AXDND1: variants seen among roughly 807,000 people sequenced by gnomAD.
The protein encoded by AXDND1 is axonemal dynein light chain domain-containing protein 1.
In AXDND1, 110 loss-of-function variants were observed where a neutral mutation model predicts 137.5. That is an observed-to-expected ratio of 0.80 (90% confidence interval 0.69 to 0.94). The LOEUF is 0.94. Among genes scored for constraint, AXDND1 ranks in the 40% least tolerant of loss-of-function variants. AXDND1 has a pLI of 0.00. For missense variants in AXDND1, 1,191 were observed against 1,169.8 expected, an observed-to-expected ratio of 1.02 and a Z score of -0.26; for synonymous variants, 414 against 399.7, an observed-to-expected ratio of 1.04 and a Z score of -0.43.
chr1:179,386,035 T>G (rs1649147191), intron 9 of AXDND1, among the ~76,000 whole-genome samples: 1 of 150,256 alleles, frequency 6.7e-6, no homozygotes, highest in African/African-American at 2.5e-5. Context: ...CTGGAGCTGA[T>G]TTTAGGATTT....
chr1:179,521,139 C>T lies in AXDND1; in HGVS notation c.2497-4195C>T, dbSNP rs925969028. Among the ~76,000 whole-genome samples the T allele has an allele frequency of 5.9e-5, 9 of 151,628 alleles. No homozygotes were observed. The East Asian group carries it at 9.7e-4, about 16-fold the overall frequency. Reference sequence around the variant, plus strand: ...ACCATGCCTGGCTAATTTTTAATTTCGCAGAGACAGGGTCTTGCTATGTTG... The same window carrying T: ...ACCATGCCTGGCTAATTTTTAATTTTGCAGAGACAGGGTCTTGCTATGTTG... On this transcript the variant is annotated intron_variant, in intron 21 of 25. Transcript: ENST00000367618.
chr1:179,367,152 G>A lies in AXDND1; in HGVS notation c.97+546G>A, dbSNP rs1167188036. 4.0e-5 allele frequency among the ~76,000 whole-genome samples: 6 copies of A among 151,752 alleles called. No homozygotes were observed. In the East Asian group the frequency reaches 1.2e-3, roughly 29 times the overall value. ...CAAGAGAATCGCTTGAACCCAGGAG[G>A]TGAGGTTGCAGTGAGCCAGGATCGA... is the stretch of plus-strand genomic sequence containing the variant. On this transcript the variant is annotated intron_variant, in intron 2 of 25. Transcript: ENST00000367618.
chr1:179,525,275 A>G, intron 21 of AXDND1, 59 bp from the exon 22 acceptor site: 1 of 1,492,472 alleles, frequency 6.7e-7, no homozygotes, highest in Non-Finnish European at 9.0e-7. Context: ...AATATTTTGA[A>G]CAAATAATTG....
chr1:179,522,253 G>A (rs936430423), intron 21 of AXDND1, among the ~76,000 whole-genome samples: 3 of 152,106 alleles, frequency 2.0e-5, no homozygotes, highest in African/African-American at 7.2e-5. Flanking sequence ...CCCTCCAATT[G>A]AATTTCATCT....
Position 179,509,363 on chromosome 1 carries a change from C to T in AXDND1, c.2456C>T (p.Thr819Ile). Residue 819 changes from threonine (T) to isoleucine (I), a missense_variant, in exon 21 of 26, where the codon ACA becomes ATA. Transcript: ENST00000367618. Reference sequence around the variant, plus strand: ...TCTAATATCAAAGGCAGAAAAATTACATTATTGACATATGAAGAAATAGAG... The same window carrying T: ...TCTAATATCAAAGGCAGAAAAATTATATTATTGACATATGAAGAAATAGAG... ...LLSNIKGRKITLLTYEEIERL... is the reference protein window; with the variant it reads ...LLSNIKGRKIILLTYEEIERL... The T allele has an allele frequency of 1.2e-6, 2 of 1,612,100 alleles. No individual in the cohort carries two copies. The highest frequency in any genetic ancestry group is 1.7e-6 in the Non-Finnish European group (2 of 1,178,422).
At chr1:179,378,549 T>G in intron 4 of AXDND1, 88 bp from the exon 5 acceptor site, 1 of 1,039,350 alleles carries the variant, frequency 9.6e-7, no homozygotes, top group Non-Finnish European at 1.3e-6. Context: ...ATCTTACCCA[T>G]TAGAAGGATA....
intron 15 of AXDND1, among the ~76,000 whole-genome samples, chr1:179,441,022 G>A (rs1658903259): frequency 6.6e-6 from 1 of 152,150 alleles, no homozygotes; most frequent in Non-Finnish European, 1.5e-5. Context: ...AAATAAGTTT[G>A]TCCACCTGGA....
chr1:179,450,077 C>A (rs1660346760), intron 16 of AXDND1: 1 of 142,764 alleles, frequency 7.0e-6, no homozygotes, highest in South Asian at 2.2e-4. Context: ...GATCTCAGCT[C>A]ACTGCAACCT....
At chr1:179,552,877 G>A (rs1356256570) in intron 25 of AXDND1, among the ~76,000 whole-genome samples, 1 of 152,188 alleles carries the variant, frequency 6.6e-6, no homozygotes, top group Non-Finnish European at 1.5e-5. Context: ...ATGCAGTTTT[G>A]TATTATTGCT....
In AXDND1 at chr1:179,447,975, T is replaced by C. The variant is rs1659980843; in HGVS notation, c.1798+2771T>C. On this transcript the variant is annotated intron_variant, in intron 16 of 25. Coordinates refer to ENST00000367618, the MANE Select transcript of AXDND1 (RefSeq NM_144696.6). ...TGGCTGCCAAAGATGGTGACACCAGTGAACTCCCTGGGTTAGTGTAGGACA... is the reference window on the plus strand; with the variant it reads ...TGGCTGCCAAAGATGGTGACACCAGCGAACTCCCTGGGTTAGTGTAGGACA... 2.1e-5 allele frequency: 30 copies of C among 1,404,806 alleles called. No individual in the cohort carries two copies. In the South Asian group the frequency reaches 3.2e-4, roughly 15 times the overall value. 87.0% of individuals were successfully genotyped at this position (1,404,806 alleles called of 1,614,324 possible).
At chr1:179,473,409 A>G (rs965655101) in intron 17 of AXDND1, among the ~76,000 whole-genome samples, 1 of 151,978 alleles carries the variant, frequency 6.6e-6, no homozygotes, top group Non-Finnish European at 1.5e-5. Context: ...GAGGCAGGAG[A>G]ATTGCTTGAA....
At chr1:179,502,562 T>TAAAAAAAAAAAAAAAAAAAAAAAAAA (rs35740934) in intron 20 of AXDND1, among the ~76,000 whole-genome samples, 1 of 81,084 alleles carries the variant, frequency 1.2e-5, no homozygotes. Flanking sequence ...AAACTCTGTC[T>TAAAAAAAAAAAAAAAAAAAAAAAAAA]AAAAAAAAAA....
Position 179,383,559 on chromosome 1 carries a change from G to T in AXDND1, c.741+15G>T. ...GACCAACGAAGGTAATTGCAAAGCC[G>T]AATGCAACCTGGTGGCTAAGAGCAT... On this transcript the variant is annotated intron_variant, in intron 8 of 25. Coordinates refer to ENST00000367618, the MANE Select transcript of AXDND1 (RefSeq NM_144696.6). The T allele has an allele frequency of 6.3e-7, 1 of 1,590,284 alleles. No homozygotes were observed. The highest frequency in any genetic ancestry group is 8.6e-7 in the Non-Finnish European group (1 of 1,159,070).
intron 15 of AXDND1, 87 bp downstream of exon 15, chr1:179,432,429 C>CTTT: frequency 5.6e-6 from 6 of 1,069,114 alleles, no homozygotes; most frequent in Non-Finnish European, 6.2e-6. Flanking sequence ...ACATCCCATC[C>CTTT]TTTTTTTTTT....
At chr1:179,505,556 G>A (rs1447539785) in intron 20 of AXDND1, among the ~76,000 whole-genome samples, 1 of 151,730 alleles carries the variant, frequency 6.6e-6, no homozygotes, top group East Asian at 1.9e-4. Context: ...GTTGAGGCAG[G>A]AGAATCCCTT....
intron 11 of AXDND1, among the ~76,000 whole-genome samples, chr1:179,400,498 A>C (rs1194652652): frequency 6.6e-6 from 1 of 152,050 alleles, no homozygotes; most frequent in East Asian, 1.9e-4. Context: ...TGGGTGCTCC[A>C]AAATCTCACA....
chr1:179,534,590 TC>T (rs1258714623), intron 24 of AXDND1, 139 bp from the exon 25 acceptor site: 3 of 1,076,068 alleles, frequency 2.8e-6, no homozygotes, highest in Non-Finnish European at 3.8e-6. Context: ...TCTCAGTTAA[TC>T]ATTGATGCTG....
intron 10 of AXDND1, among the ~76,000 whole-genome samples, chr1:179,394,830 G>A (rs939962229): frequency 1.3e-5 from 2 of 152,128 alleles, no homozygotes; most frequent in East Asian, 1.9e-4. Flanking sequence ...GGCCTTGCAT[G>A]TCAGCATCTG....
At chr1:179,460,803 G>T (rs1662211260) in intron 16 of AXDND1, among the ~76,000 whole-genome samples, 1 of 152,218 alleles carries the variant, frequency 6.6e-6, no homozygotes, top group African/African-American at 2.4e-5. Flanking sequence ...GATGACCACT[G>T]ATGATGAGCA....
Sources: gnomAD v4.1 joint callset for allele counts (sites outside exome capture counted in the v4.1 genomes callset) on GRCh38, gnomAD v4.1.1 for gene constraint, MANE v1.5 for transcripts, NCBI Gene and HGNC (gene_info 2026-07-23, HGNC 2026-07-21) for gene names.